The following FRMPD4 variants were observed in gnomAD, a reference collection of about 807,000 sequenced individuals.
The protein encoded by FRMPD4 is FERM and PDZ domain containing 4.
Under a neutral mutation model 94.1 loss-of-function variants are expected in FRMPD4, and 22 were observed. The observed-to-expected ratio is 0.23, with a 90% CI of 0.17 to 0.33. The LOEUF is 0.33. Among genes scored for constraint, FRMPD4 ranks in the 10% least tolerant of loss-of-function variants. FRMPD4 has a pLI of 1.00. For missense variants in FRMPD4, 1,111 were observed against 1,339.9 expected (o/e 0.83, Z 2.67); for synonymous variants, 631 against 548.6 (o/e 1.15, Z -2.10).
At chrX:12,571,923 CT>C (rs2148362593) in intron 2 of FRMPD4, among the ~76,000 whole-genome samples, 1 of 112,010 alleles carries the variant, frequency 8.9e-6, no homozygotes, top group African/African-American at 3.2e-5. Context: ...ATTTCTATTT[CT>C]TTTAAACAAA....
chrX:12,479,290 G>C (rs2057642403), intron 1 of FRMPD4, among the ~76,000 whole-genome samples: 1 of 106,692 alleles, frequency 9.4e-6, no homozygotes, highest in Non-Finnish European at 1.9e-5. Context: ...AAAGGAATAG[G>C]AGAAGTAAAA....
intron 3 of FRMPD4, among the ~76,000 whole-genome samples, chrX:12,067,241 G>A (rs1315702654): frequency 9.1e-6 from 1 of 110,373 alleles, no homozygotes; most frequent in Non-Finnish European, 1.9e-5. Context: ...TCTTTCACAC[G>A]AGAAGATCAG....
intron 3 of FRMPD4, among the ~76,000 whole-genome samples, chrX:11,966,922 G>A (rs2054312496): frequency 9.0e-6 from 1 of 111,407 alleles, no homozygotes; most frequent in Middle Eastern, 4.2e-3. Context: ...CACTTATTTG[G>A]ATTACACTGG....
intron 3 of FRMPD4, among the ~76,000 whole-genome samples, chrX:12,069,820 C>A (rs781356046): frequency 9.0e-6 from 1 of 110,526 alleles, no homozygotes; most frequent in African/African-American, 3.3e-5. Context: ...ATTAGCATAT[C>A]AAATATGCAA....
At chrX:12,128,853 G>A (rs1398999784) in intron 3 of FRMPD4, among the ~76,000 whole-genome samples, 1 of 111,899 alleles carries the variant, frequency 8.9e-6, no homozygotes, top group Non-Finnish European at 1.9e-5. Flanking sequence ...CAGATCTCTA[G>A]GACAGGGGCA....
At chrX:12,500,891 CAAT>C (rs1351674779) in intron 2 of FRMPD4, among the ~76,000 whole-genome samples, 1 of 112,219 alleles carries the variant, frequency 8.9e-6, no homozygotes, top group Non-Finnish European at 1.9e-5. Context: ...TGACTCAAAA[CAAT>C]AAAAATTTTG....
At chrX:12,144,865 C>T (rs1471383307) in intron 1 of FRMPD4, among the ~76,000 whole-genome samples, 1 of 108,801 alleles carries the variant, frequency 9.2e-6, no homozygotes, top group Admixed American at 9.9e-5. Flanking sequence ...CTGCTTTAAG[C>T]TCAATAAGCA....
intron 1 of FRMPD4, chrX:12,341,721 C>T (rs766023873): frequency 2.7e-5 from 8 of 293,942 alleles, no homozygotes; most frequent in Non-Finnish European, 4.0e-5. Context: ...TGCTGGTTGA[C>T]TATTGTTATG....
chrX:11,845,284 C>A (rs1321764540), intron 1 of FRMPD4, among the ~76,000 whole-genome samples: 1 of 111,734 alleles, frequency 8.9e-6, no homozygotes, highest in Non-Finnish European at 1.9e-5. Flanking sequence ...AAACATGTGA[C>A]AGAAAGGTGA....
intron 2 of FRMPD4, among the ~76,000 whole-genome samples, chrX:12,501,788 T>A (rs976154655): frequency 9.0e-6 from 1 of 111,190 alleles, no homozygotes; most frequent in Non-Finnish European, 1.9e-5. Flanking sequence ...GTGTTCAAAG[T>A]TAGAGTCTAA....
At chrX:11,943,285 A>G (rs1193026117) in intron 3 of FRMPD4, among the ~76,000 whole-genome samples, 1 of 111,603 alleles carries the variant, frequency 9.0e-6, no homozygotes, top group Admixed American at 9.5e-5. Context: ...AATTTTTATT[A>G]CATTCTGATT....
At chrX:11,843,565 C>CCTTTTT (rs368768787) in intron 1 of FRMPD4, among the ~76,000 whole-genome samples, 13 of 110,527 alleles carry the variant, frequency 1.2e-4, no homozygotes, top group South Asian at 3.8e-4. Context: ...TCTTTTCTTT[C>CCTTTTT]CTTTTTCTTT....
chrX:11,926,278 A>AT (rs1209233666), intron 3 of FRMPD4, among the ~76,000 whole-genome samples: 35 of 106,652 alleles, frequency 3.3e-4, no homozygotes, highest in African/African-American at 1.2e-3. Context: ...AAAAAAAAAA[A>AT]AAAAGCCCAG....
chrX:12,131,076 A>G (rs928725624), intron 3 of FRMPD4, among the ~76,000 whole-genome samples: 4 of 111,596 alleles, frequency 3.6e-5, no homozygotes, highest in African/African-American at 1.3e-4. Flanking sequence ...ATAATCCTAC[A>G]TTGGCAGACT....
intron 2 of FRMPD4, among the ~76,000 whole-genome samples, chrX:12,510,561 TAAC>T (rs1226381559): frequency 2.7e-5 from 3 of 112,156 alleles, no homozygotes; most frequent in Non-Finnish European, 5.6e-5. Flanking sequence ...GCCACAAAAT[TAAC>T]AACAAGTTAT....
chrX:11,990,213 G>A (rs1225955599), intron 3 of FRMPD4, among the ~76,000 whole-genome samples: 2 of 112,000 alleles, frequency 1.8e-5, no homozygotes, highest in Non-Finnish European at 3.8e-5. Context: ...GGCACAAATG[G>A]TTACGTTGTA....
In FRMPD4 at chrX:12,058,836, T is replaced by C. The variant is rs73499329; in HGVS notation, c.95+180818T>C. 8.2e-3 allele frequency among the ~76,000 whole-genome samples: 903 copies of C among 110,531 alleles called. 6 individuals are homozygous for C. The highest frequency in any genetic ancestry group is 0.028 in the African/African-American group (848 of 30,424). ...TCCTTGTCATAACTGGGGGACGGGT[T>C]GCTTCTGGCAGCTAATGAGTAGAGG... On this transcript the variant is annotated intron_variant, in intron 3 of 18. Transcript: ENST00000640291.
chrX:12,092,718 T>C (rs781576240), intron 3 of FRMPD4, among the ~76,000 whole-genome samples: 1 of 111,757 alleles, frequency 8.9e-6, no homozygotes, highest in East Asian at 2.8e-4. Flanking sequence ...CAACGAACAT[T>C]ACTGAGCCCC....
intron 1 of FRMPD4, among the ~76,000 whole-genome samples, chrX:12,179,872 C>T (rs180773881): frequency 0.014 from 995 of 70,909 alleles, 5 homozygotes; most frequent in Admixed American, 0.022. Context: ...GCTAACCTAG[C>T]CTTTTTTTTT....
Sources: gnomAD v4.1 joint callset for allele counts (sites outside exome capture counted in the v4.1 genomes callset) on GRCh38, gnomAD v4.1.1 for gene constraint, MANE v1.5 for transcripts, NCBI Gene and HGNC (gene_info 2026-07-23, HGNC 2026-07-21) for gene names.